The following MED26 variants were observed in gnomAD, a reference collection of about 807,000 sequenced individuals.
The protein encoded by MED26 is mediator of RNA polymerase II transcription subunit 26.
Under a neutral mutation model 43.7 loss-of-function variants are expected in MED26, and 7 were observed. That is an observed-to-expected ratio of 0.16 (90% CI 0.09 to 0.30). The LOEUF is 0.30. Among genes scored for constraint, MED26 ranks in the 10% least tolerant of loss-of-function variants. The pLI is 1.00. For synonymous variants in MED26, 375 were observed against 371.1 expected, an observed-to-expected ratio of 1.01 and a Z score of -0.12; for missense variants, 784 against 840.6, an observed-to-expected ratio of 0.93 and a Z score of 0.83.
intron 1 of MED26, among the ~76,000 whole-genome samples, chr19:16,584,338 AAAAG>A (rs1388770248): frequency 2.0e-5 from 3 of 152,072 alleles, no homozygotes; most frequent in Non-Finnish European, 2.9e-5. Flanking sequence ...CAAAACAAAA[AAAAG>A]AAAGGCTTCC....
At chr19:16,616,592 G>C (rs1465050400) in intron 1 of MED26, among the ~76,000 whole-genome samples, 1 of 152,156 alleles carries the variant, frequency 6.6e-6, no homozygotes, top group Non-Finnish European at 1.5e-5. Flanking sequence ...ACCACCAACA[G>C]ACACAGCACA....
intron 1 of MED26, among the ~76,000 whole-genome samples, chr19:16,591,037 CAAAAT>C (rs1219352317): frequency 4.3e-5 from 6 of 140,548 alleles, no homozygotes; most frequent in African/African-American, 1.1e-4. Context: ...GAGACTTTCT[CAAAAT>C]AAAATAAAAT....
At chr19:16,584,748 G>T (rs1241375254) in intron 1 of MED26, among the ~76,000 whole-genome samples, 2 of 152,214 alleles carry the variant, frequency 1.3e-5, no homozygotes, top group Non-Finnish European at 2.9e-5. Context: ...AGGGGGATGG[G>T]TGAAACAAAG....
intron 1 of MED26, among the ~76,000 whole-genome samples, chr19:16,582,683 C>T (rs2086051760): frequency 6.6e-6 from 1 of 152,134 alleles, no homozygotes; most frequent in Admixed American, 6.5e-5. Context: ...ACCCTCAGGG[C>T]AGGGAGGCAG....
chr19:16,603,688 C>T (rs1262658001), intron 1 of MED26, among the ~76,000 whole-genome samples: 1 of 152,168 alleles, frequency 6.6e-6, no homozygotes, highest in Non-Finnish European at 1.5e-5. Flanking sequence ...GGTACTCTCC[C>T]CCAGGCTCAC....
chr19:16,576,197 G>T lies in MED26; in HGVS notation c.1633C>A (p.Arg545=). 2 of 1,612,742 alleles carry T rather than the reference G, an allele frequency of 1.2e-6. No individual in the cohort carries two copies. The highest frequency in any genetic ancestry group is 2.2e-5 in the East Asian group (1 of 44,874). ...SPPTDLPGLT[R]EVTQDDLDRI... ...TCGAGATCGTCCTGTGTGACCTCCC[G>T]GGTCAGACCAGGGAGGTCCGTGGGC... Residue 545 remains arginine, a synonymous_variant, in exon 3 of 3, where the codon CGG becomes AGG. Coordinates refer to ENST00000263390, the MANE Select transcript of MED26 (RefSeq NM_004831.5). The surrounding 1 kb of genome is among the most constrained non-coding windows in gnomAD (Gnocchi z 6.8).
intron 1 of MED26, among the ~76,000 whole-genome samples, chr19:16,626,214 T>C (rs2086274007): frequency 6.6e-6 from 1 of 152,166 alleles, no homozygotes; most frequent in Non-Finnish European, 1.5e-5. Flanking sequence ...TCAGTGCTAA[T>C]ATCTCAGCAA....
At chr19:16,579,271 G>A (rs1317194606) in intron 1 of MED26, among the ~76,000 whole-genome samples, 4 of 152,186 alleles carry the variant, frequency 2.6e-5, no homozygotes, top group African/African-American at 7.2e-5. Context: ...GGAGCCCGGC[G>A]TAGACTGGCC....
intron 1 of MED26, among the ~76,000 whole-genome samples, chr19:16,623,864 A>T (rs758276419): frequency 2.0e-4 from 31 of 152,072 alleles, no homozygotes; most frequent in Non-Finnish European, 4.1e-4. Context: ...ACCTCCCATT[A>T]AGTCAGTAAG....
rs75215005 is a variant in MED26 at position 16,617,903 on chromosome 19, T to C, written c.72+9969A>G. 6.7e-3 allele frequency among the ~76,000 whole-genome samples: 1,013 copies of C among 152,266 alleles called. 11 individuals carry two copies. The highest frequency in any genetic ancestry group is 0.023 in the African/African-American group (964 of 41,530). ...CTCACAGACGAGCTGAGACTTAACA[T>C]GTGGCCCGTTTCCGTCACGGCCAGG... On this transcript the variant is annotated intron_variant, in intron 1 of 2. Transcript: ENST00000263390.
intron 1 of MED26, among the ~76,000 whole-genome samples, chr19:16,597,638 C>A (rs554685253): frequency 7.2e-5 from 11 of 152,324 alleles, no homozygotes; most frequent in Middle Eastern, 6.8e-3. Context: ...AGAGGTGCGT[C>A]CGGCTCTGTG....
chr19:16,602,162 T>C (rs897766), intron 1 of MED26, among the ~76,000 whole-genome samples: 152,328 of 152,334 alleles, frequency 1, 76,161 homozygotes, highest in Middle Eastern at 1. Context: ...CACAGACTTT[T>C]GGCAGATCAC....
intron 1 of MED26, among the ~76,000 whole-genome samples, chr19:16,591,048 A>AAAATT (rs2086094788): frequency 7.0e-6 from 1 of 142,636 alleles, no homozygotes; most frequent in African/African-American, 2.6e-5. Flanking sequence ...AAAATAAAAT[A>AAAATT]AAATAAATAA....
chr19:16,604,414 G>A (rs2086163222), intron 1 of MED26, among the ~76,000 whole-genome samples: 1 of 152,218 alleles, frequency 6.6e-6, no homozygotes, highest in Non-Finnish European at 1.5e-5. Context: ...CTTTTTTAAA[G>A]GAAGACGTAT....
In MED26 at chr19:16,576,272, TCTC is replaced by T. The variant is rs778270589; in HGVS notation, c.1555_1557del (p.Glu519del). On this transcript the variant is annotated inframe_deletion, in exon 3 of 3. Transcript: ENST00000263390. This position sits in a 1 kb window ranked among gnomAD's most constrained non-coding sequence, Gnocchi z 6.8. ...AGCTGCCTGGCCCCTTGCCGGGTGC[TCTC>T]CTCCTGCTTCAGGTACTCAGACATG... 20 of 1,611,448 alleles carry T rather than the reference TCTC, an allele frequency of 1.2e-5. 1 individual carries two copies. The South Asian group carries it at 2.0e-4, about 16-fold the overall frequency.
chr19:16,620,524 G>A (rs548144417), intron 1 of MED26, among the ~76,000 whole-genome samples: 36 of 152,386 alleles, frequency 2.4e-4, no homozygotes, highest in African/African-American at 8.7e-4. Flanking sequence ...GGGCACCCAC[G>A]TGCTGTGGCA....
rs1487678002 is a variant in MED26 at position 16,578,414 on chromosome 19, G to A, written c.73-5C>T. ...CACCGCCACCATGTTCCGGATCTGT[G>A]GAAATAAAAAGCCATTTGTCAGGTC... is the stretch of plus-strand genomic sequence containing the variant. On this transcript the variant is annotated splice_region_variant and splice_polypyrimidine_tract_variant and intron_variant, in intron 1 of 2. Coordinates refer to ENST00000263390, the MANE Select transcript of MED26 (RefSeq NM_004831.5). The A allele has an allele frequency of 1.2e-6, 2 of 1,613,770 alleles. No individual in the cohort carries two copies. Among genetic ancestry groups the A allele is most frequent in the South Asian group, 2.2e-5 (2 of 91,022 alleles).
intron 1 of MED26, among the ~76,000 whole-genome samples, chr19:16,580,702 G>A: frequency 6.6e-6 from 1 of 152,090 alleles, no homozygotes; most frequent in Non-Finnish European, 1.5e-5. Flanking sequence ...ACAGGAATGA[G>A]GCCCATTTTC....
intron 1 of MED26, chr19:16,611,838 T>C (rs769498131): frequency 6.6e-6 from 1 of 151,308 alleles, no homozygotes; most frequent in Non-Finnish European, 1.5e-5. Flanking sequence ...AAAAAAGAAG[T>C]AAATGGAGAC....
Sources: gnomAD v4.1 joint callset for allele counts (sites outside exome capture counted in the v4.1 genomes callset) on GRCh38, gnomAD v4.1.1 for gene constraint, Gnocchi (gnomAD v3.1) non-coding constraint, MANE v1.5 for transcripts, NCBI Gene and HGNC (gene_info 2026-07-23, HGNC 2026-07-21) for gene names.